Variants in BICC1 observed in about 807,000 individuals in gnomAD.
BICC1 encodes BicC family RNA binding protein 1.
BICC1 carries 43 observed loss-of-function variants against 111.0 expected under a neutral mutation model. That is an observed-to-expected ratio of 0.39 (90% confidence interval 0.30 to 0.50). The LOEUF (loss-of-function observed/expected upper bound fraction) is 0.50. Ranked by LOEUF, BICC1 falls within the 20% of genes least tolerant of loss-of-function variation. The probability of loss-of-function intolerance (pLI) is 0.88; values close to 1 mark genes in which losing one functional copy is unlikely to be tolerated. For synonymous variants in BICC1, 467 were observed against 434.4 expected, an observed-to-expected ratio of 1.07 and a Z score of -0.93; for missense variants, 1,091 against 1,203.2, an observed-to-expected ratio of 0.91 and a Z score of 1.38.
chr10:58,534,324 A>G (rs1021746376), intron 1 of BICC1, among the ~76,000 whole-genome samples: 4 of 151,734 alleles, frequency 2.6e-5, no homozygotes, highest in African/African-American at 9.7e-5. Context: ...GAAAGGAACT[A>G]CAGACCCTTT....
chr10:58,629,735 C>T (rs1373864759), intron 2 of BICC1, among the ~76,000 whole-genome samples: 2 of 152,058 alleles, frequency 1.3e-5, no homozygotes, highest in African/African-American at 4.8e-5. Context: ...TCTCATGAAT[C>T]GTTTCTAAAT....
intron 8 of BICC1, 148 bp from the exon 9 acceptor site, chr10:58,793,336 C>CT: frequency 1.3e-6 from 1 of 762,468 alleles, no homozygotes; most frequent in Non-Finnish European, 2.0e-6. Context: ...GTCCTCTAAG[C>CT]TATGTGAACT....
At chr10:58,572,002 CTTT>C (rs1394170795) in intron 1 of BICC1, among the ~76,000 whole-genome samples, 1 of 151,962 alleles carries the variant, frequency 6.6e-6, no homozygotes, top group African/African-American at 2.4e-5. Context: ...CATCTTGTTG[CTTT>C]TTGACTTTTT....
intron 3 of BICC1, among the ~76,000 whole-genome samples, chr10:58,709,194 A>G (rs75210435): frequency 1.3e-5 from 2 of 152,042 alleles, no homozygotes; most frequent in Non-Finnish European, 2.9e-5. Flanking sequence ...CTGTTAACCA[A>G]CCTTTCTCTA....
intron 2 of BICC1, among the ~76,000 whole-genome samples, chr10:58,633,891 G>A (rs1171562525): frequency 7.9e-5 from 12 of 152,020 alleles, no homozygotes; most frequent in Admixed American, 2.6e-4. Flanking sequence ...AACAAGTACA[G>A]AGGAGAAAGC....
At chr10:58,799,030 T>C (rs537932535) in intron 11 of BICC1, 26 bp from the exon 12 acceptor site, 9 of 1,461,668 alleles carry the variant, frequency 6.2e-6, no homozygotes, top group Middle Eastern at 1.8e-4. Context: ...CTTCCTAATA[T>C]CTGTCATCAT....
At chr10:58,719,611 T>C (rs550504841) in intron 3 of BICC1, among the ~76,000 whole-genome samples, 1 of 152,296 alleles carries the variant, frequency 6.6e-6, no homozygotes, top group South Asian at 2.1e-4. Context: ...TGGGCACTTT[T>C]CATGCTTGTA....
At chr10:58,748,552 C>T (rs1009214585) in intron 3 of BICC1, among the ~76,000 whole-genome samples, 3 of 144,236 alleles carry the variant, frequency 2.1e-5, no homozygotes, top group Non-Finnish European at 4.6e-5. Flanking sequence ...TTTATCTTGA[C>T]GTAGGGTGGA....
chr10:58,530,883 A>C (rs556871155), intron 1 of BICC1, among the ~76,000 whole-genome samples: 1 of 151,852 alleles, frequency 6.6e-6, no homozygotes, highest in Non-Finnish European at 1.5e-5. Context: ...CTACCCCTAC[A>C]GAAATACTGA....
chr10:58,685,626 C>T (rs1009345179), intron 2 of BICC1, among the ~76,000 whole-genome samples: 3 of 152,036 alleles, frequency 2.0e-5, no homozygotes, highest in Non-Finnish European at 4.4e-5. Context: ...ATGTAATGGC[C>T]TTCTTTGTCT....
intron 1 of BICC1, among the ~76,000 whole-genome samples, chr10:58,553,664 T>C (rs2131923450): frequency 6.6e-6 from 1 of 152,292 alleles, no homozygotes; most frequent in East Asian, 1.9e-4. Context: ...TTTTAGAAAT[T>C]AGTCTTCTGA....
chr10:58,589,362 G>A (rs755152805), intron 1 of BICC1, among the ~76,000 whole-genome samples: 14 of 152,128 alleles, frequency 9.2e-5, no homozygotes, highest in Non-Finnish European at 1.5e-4. Flanking sequence ...TTTCACATAA[G>A]AGGAAACTGA....
At chr10:58,565,344 G>T (rs1394106800) in intron 1 of BICC1, among the ~76,000 whole-genome samples, 1 of 152,186 alleles carries the variant, frequency 6.6e-6, no homozygotes, top group Non-Finnish European at 1.5e-5. Flanking sequence ...TCAAGGAATT[G>T]CAGGAGCTTT....
chr10:58,702,190 T>G, intron 3 of BICC1, 47 bp downstream of exon 3: 1 of 1,467,902 alleles, frequency 6.8e-7, no homozygotes, highest in African/African-American at 1.4e-5. Flanking sequence ...TAACTGAGAT[T>G]ATGGAATTAC....
chr10:58,556,504 T>A (rs1843452886), intron 1 of BICC1, among the ~76,000 whole-genome samples: 1 of 152,148 alleles, frequency 6.6e-6, no homozygotes, highest in Non-Finnish European at 1.5e-5. Flanking sequence ...ATAATTTCAA[T>A]TCCTCTTATG....
rs183699898 is a variant in BICC1, at chr10:58,659,126, C to T, written c.237+38225C>T. On this transcript the variant is annotated intron_variant, in intron 2 of 20. Transcript: ENST00000373886. The stretch of plus-strand genomic sequence containing the variant: ...TGGTAAGGTTGTTGAAAAAAGGGAA[C>T]GCTTATACACTGCTGGTGAGAATGT... 7.3e-3 allele frequency among the ~76,000 whole-genome samples: 1,105 copies of T among 152,150 alleles called. 12 individuals are homozygous for T. The highest frequency in any genetic ancestry group is 0.012 in the Non-Finnish European group (824 of 68,006).
intron 3 of BICC1, among the ~76,000 whole-genome samples, chr10:58,725,686 A>T (rs1319039959): frequency 6.6e-6 from 1 of 152,190 alleles, no homozygotes; most frequent in East Asian, 1.9e-4. Context: ...TCAGATGGTG[A>T]GCCTGTGGAT....
At chr10:58,522,388 A>G (rs535923252) in intron 1 of BICC1, among the ~76,000 whole-genome samples, 1 of 152,312 alleles carries the variant, frequency 6.6e-6, no homozygotes, top group East Asian at 1.9e-4. Context: ...ACTAGAACTC[A>G]GGATTAAGAA....
At chr10:58,555,625 G>T (rs1198997945) in intron 1 of BICC1, among the ~76,000 whole-genome samples, 2 of 152,140 alleles carry the variant, frequency 1.3e-5, no homozygotes, top group Non-Finnish European at 2.9e-5. Context: ...GTTTCAGTGA[G>T]TGCTTGAAAA....
Sources: allele counts gnomAD v4.1 joint callset (sites outside exome capture counted in the v4.1 genomes callset), GRCh38; gene constraint gnomAD v4.1.1; transcripts MANE v1.5; gene names NCBI Gene and HGNC (gene_info 2026-07-23, HGNC 2026-07-21).